TMC3: variants seen among roughly 807,000 people sequenced by gnomAD.
TMC3 encodes transmembrane channel like 3.
Under a neutral mutation model 110.6 loss-of-function variants are expected in TMC3, and 98 were observed. That is an observed-to-expected ratio of 0.89 (90% confidence interval 0.75 to 1.05). The LOEUF (loss-of-function observed/expected upper bound fraction) is 1.05. Among genes scored for constraint, TMC3 ranks in the 50% least tolerant of loss-of-function variants. TMC3 has a pLI of 0.00. For missense variants in TMC3, 1,319 were observed against 1,373.2 expected (o/e 0.96, Z 0.62); for synonymous variants, 489 against 513.1 (o/e 0.95, Z 0.63).
In TMC3 at chr15:81,337,787, G is replaced by A. The variant is rs181125276; in HGVS notation, c.2160+59C>T. ...ACTTCACTTGTATTCCCACGCTGGC[G>A]GGATCTCAGTCATGTGGTTGACACA... is the stretch of plus-strand genomic sequence containing the variant. On this transcript the variant is annotated intron_variant, in intron 19 of 21. Transcript: ENST00000359440. The A allele has an allele frequency of 5.0e-3, 7,149 of 1,424,922 alleles. 35 individuals are homozygous for A. The highest frequency in any genetic ancestry group is 6.3e-3 in the Non-Finnish European group (6,405 of 1,009,716). 88.3% of individuals were successfully genotyped at this position (1,424,922 alleles called of 1,614,324 possible).
At chr15:81,345,033 G>A (rs777620067) in intron 12 of TMC3, 22 bp from the exon 13 acceptor site, 2 of 1,554,308 alleles carry the variant, frequency 1.3e-6, no homozygotes, top group Admixed American at 3.9e-5. Flanking sequence ...GAGAGAGAGA[G>A]AGAGGGAAGC....
chr15:81,339,114 T>A (rs1453388018), intron 17 of TMC3, among the ~76,000 whole-genome samples: 1 of 152,260 alleles, frequency 6.6e-6, no homozygotes, highest in Non-Finnish European at 1.5e-5. Context: ...AAAAGCTTTC[T>A]GTGTTTTGAC....
rs565761555 is a variant in TMC3 at position 81,345,080 on chromosome 15, A to C, written c.1273-69T>G. 6 of 1,521,130 alleles carry C rather than the reference A, an allele frequency of 3.9e-6. No homozygotes were observed. In the South Asian group the frequency reaches 7.7e-5, roughly 19 times the overall value. 94.2% of individuals were successfully genotyped at this position (1,521,130 alleles called of 1,614,324 possible). On this transcript the variant is annotated intron_variant, in intron 12 of 21. Coordinates refer to ENST00000359440, the MANE Select transcript of TMC3 (RefSeq NM_001080532.3). ...GAAAATGGCGGTCCACATATTTGTA[A>C]ATGAGAATCCATCATGGACCCCAAG...
At chr15:81,357,511 A>G (rs142140156) in intron 7 of TMC3, among the ~76,000 whole-genome samples, 116 of 152,072 alleles carry the variant, frequency 7.6e-4, no homozygotes, top group Middle Eastern at 3.4e-3. Flanking sequence ...TTCTGAGCCA[A>G]CCTACCCATT....
rs1282151619 is a variant in TMC3, at chr15:81,341,399, C to T, written c.1835G>A (p.Arg612Gln). ...TCNVPHQQVF[R>Q]ASRSNNFYLA... ...TCTTATTCTTACTCACCTTGAGGCT[C>T]GAAATACTTGCTGGTGGGGCACATT... is the stretch of plus-strand genomic sequence containing the variant. Residue 612 changes from arginine (R) to glutamine (Q), a missense_variant, in exon 16 of 22, where the codon CGA (arginine) becomes CAA (glutamine). Arg to Gln is a conservative substitution (Grantham distance 43, BLOSUM62 1). Coordinates refer to ENST00000359440, the MANE Select transcript of TMC3 (RefSeq NM_001080532.3). The T allele has an allele frequency of 7.5e-6, 12 of 1,610,312 alleles. 1 individual carries two copies. The East Asian group carries it at 1.1e-4, about 15-fold the overall frequency.
chr15:81,350,962 T>C (rs1270010631), intron 10 of TMC3, among the ~76,000 whole-genome samples: 7 of 149,980 alleles, frequency 4.7e-5, no homozygotes, highest in Non-Finnish European at 1.0e-4. Flanking sequence ...GCATTATTTG[T>C]CATTTAGATA....
In TMC3 at chr15:81,356,446, C is replaced by T. The variant is rs1245762140; in HGVS notation, c.891+1G>A. 2 of 1,564,786 alleles carry T rather than the reference C, an allele frequency of 1.3e-6. No homozygotes were observed. Among genetic ancestry groups the T allele is most frequent in the African/African-American group, 2.7e-5 (2 of 73,668 alleles). On this transcript the variant is annotated splice_donor_variant, in intron 8 of 21. Coordinates refer to ENST00000359440, the MANE Select transcript of TMC3 (RefSeq NM_001080532.3). LOFTEE classifies it high-confidence loss of function. ...CAGGCTGCACAGGCTCACTCACTCA[C>T]CCTGATGCTGTTCACTATGGCAGCT...
Position 81,332,907 on chromosome 15 carries a change from G to C in TMC3, c.2815C>G (p.Pro939Ala). 6.2e-7 allele frequency: 1 copy of C among 1,613,244 alleles called. No individual in the cohort carries two copies. Among genetic ancestry groups the C allele is most frequent in the African/African-American group, 1.3e-5 (1 of 75,052 alleles). Residue 939 changes from proline (P) to alanine (A), a missense_variant, in exon 22 of 22, where the codon CCA becomes GCA. Transcript: ENST00000359440. ...TCCTCCTCTTCTTCACTCAGCTGTGGGGAGGGAGGCTGGCGGGGGACCCGG... is the reference window on the plus strand; with the variant it reads ...TCCTCCTCTTCTTCACTCAGCTGTGCGGAGGGAGGCTGGCGGGGGACCCGG... ...ASRVPRQPPSPQLSEEEEETP... is the reference protein window; with the variant it reads ...ASRVPRQPPSAQLSEEEEETP...
chr15:81,345,851 T>G (rs2141701746), intron 12 of TMC3, among the ~76,000 whole-genome samples: 1 of 151,398 alleles, frequency 6.6e-6, no homozygotes, highest in East Asian at 1.9e-4. Context: ...CACTCCAGCC[T>G]GGGCAACAAA....
intron 1 of TMC3, 128 bp from the exon 2 acceptor site, chr15:81,372,865 T>TTGCGCG: frequency 1.7e-6 from 1 of 579,554 alleles, no homozygotes; most frequent in Non-Finnish European, 2.9e-6. Context: ...GTGTATGTGT[T>TTGCGCG]TGTGCGTGTG....
intron 15 of TMC3, 92 bp downstream of exon 15, chr15:81,343,186 G>A (rs1893750861): frequency 1.4e-6 from 1 of 723,354 alleles, no homozygotes; most frequent in Non-Finnish European, 2.5e-6. Context: ...TTATGTAACT[G>A]TGTTATGGTC....
At chr15:81,367,649 C>T (rs73448332) in intron 3 of TMC3, among the ~76,000 whole-genome samples, 1,639 of 152,224 alleles carry the variant, frequency 0.011, 23 homozygotes, top group African/African-American at 0.037. Context: ...ATCAAACCTA[C>T]GAATATGGGT....
intron 12 of TMC3, among the ~76,000 whole-genome samples, chr15:81,346,071 G>A (rs1438608434): frequency 6.6e-6 from 1 of 152,156 alleles, no homozygotes; most frequent in African/African-American, 2.4e-5. Context: ...GCCTTTTCCT[G>A]ATGGGATTCA....
In TMC3 at chr15:81,356,579, G is replaced by T. The variant is rs773253400; in HGVS notation, c.759C>A (p.Ser253=). 1.9e-5 allele frequency: 30 copies of T among 1,587,764 alleles called. No individual in the cohort carries two copies. The highest frequency in any genetic ancestry group is 2.5e-5 in the Non-Finnish European group (29 of 1,167,010). Residue 253 remains serine (S), a synonymous_variant, in exon 8 of 22, where the codon TCC becomes TCA. Coordinates refer to ENST00000359440, the MANE Select transcript of TMC3 (RefSeq NM_001080532.3). The part of the protein sequence containing the change: ...IILLKKMAKN[S]RTSLASASNE... ...TGGAAGCACTGGCAAGACTCGTGCG[G>T]GAGTTCTTAGCCATCCTGCAAAAGA...
Position 81,333,074 on chromosome 15 carries a change from T to C in TMC3, c.2648A>G (p.His883Arg). 1 of 1,613,742 alleles carries C rather than the reference T, an allele frequency of 6.2e-7. No homozygotes were observed. The highest frequency in any genetic ancestry group is 8.5e-7 in the Non-Finnish European group (1 of 1,179,634). ...STLLAQGPRP[H>R]APRYYVINEC... The stretch of plus-strand genomic sequence containing the variant: ...ATTAATGACATAGTATCTGGGGGCG[T>C]GGGGCCTGGGACCCTGTGCCAGCAA... Residue 883 changes from histidine to arginine, a missense_variant, in exon 22 of 22, where the codon CAC becomes CGC. Transcript: ENST00000359440.
At chr15:81,362,328 A>G (rs1299192861) in intron 3 of TMC3, 27 bp from the exon 4 acceptor site, 3 of 1,588,822 alleles carry the variant, frequency 1.9e-6, no homozygotes, top group African/African-American at 2.7e-5. Flanking sequence ...AGGATTAGAG[A>G]GGTCACGTAC....
intron 2 of TMC3, among the ~76,000 whole-genome samples, chr15:81,370,689 T>C (rs1241628392): frequency 1.3e-5 from 2 of 151,562 alleles, no homozygotes; most frequent in Non-Finnish European, 2.9e-5. Context: ...TCTTTTTTTT[T>C]TTTTTTTGAG....
chr15:81,368,245 T>C lies in TMC3; in HGVS notation c.312+8A>G. Reference sequence around the variant, plus strand: ...ACCGCGCCCAGCCACATGTGTGTTCTGTATTACCTCTGCACCTGCTGCTTG... The same window carrying C: ...ACCGCGCCCAGCCACATGTGTGTTCCGTATTACCTCTGCACCTGCTGCTTG... On this transcript the variant is annotated splice_region_variant and intron_variant, in intron 3 of 21. Coordinates refer to ENST00000359440, the MANE Select transcript of TMC3 (RefSeq NM_001080532.3). 1.2e-6 allele frequency: 2 copies of C among 1,612,124 alleles called. No individual in the cohort carries two copies. The highest frequency in any genetic ancestry group is 8.5e-7 in the Non-Finnish European group (1 of 1,178,402).
chr15:81,340,224 GTCTCTCTCTC>G (rs5814056), intron 16 of TMC3, among the ~76,000 whole-genome samples: 16 of 148,374 alleles, frequency 1.1e-4, no homozygotes, highest in African/African-American at 2.7e-4. Flanking sequence ...CTCTGTCTCT[GTCTCTCTCTC>G]TCTCTCTCTC....
Sources: allele counts gnomAD v4.1 joint callset (sites outside exome capture counted in the v4.1 genomes callset), GRCh38; gene constraint gnomAD v4.1.1; transcripts MANE v1.5; gene names NCBI Gene and HGNC (gene_info 2026-07-23, HGNC 2026-07-21).